Variants in CSMD3 observed in about 807,000 individuals in gnomAD.
CSMD3 encodes the protein CUB and Sushi multiple domains 3, also known as CUB and sushi domain-containing protein 3.
CSMD3 carries 177 observed loss-of-function variants against 435.2 expected under a neutral mutation model. The observed-to-expected ratio is 0.41, with a 90% CI of 0.36 to 0.46. The LOEUF (loss-of-function observed/expected upper bound fraction) is 0.46, where lower values mean the gene tolerates loss of function less well. Ranked by LOEUF, CSMD3 falls within the 20% of genes least tolerant of loss-of-function variation. CSMD3 has a pLI of 0.34. For missense variants in CSMD3, 4,265 were observed against 4,504.6 expected (o/e 0.95, Z 1.52); for synonymous variants, 1,656 against 1,520.5 (o/e 1.09, Z -2.07).
At chr8:112,856,483 G>A (rs1044194557) in intron 11 of CSMD3, among the ~76,000 whole-genome samples, 2 of 151,798 alleles carry the variant, frequency 1.3e-5, no homozygotes, top group Non-Finnish European at 3.0e-5. Flanking sequence ...TTTCTGAGGA[G>A]ATGGCAGCAT....
intron 9 of CSMD3, among the ~76,000 whole-genome samples, chr8:112,930,655 C>T (rs911542956): frequency 2.8e-4 from 42 of 152,210 alleles, no homozygotes; most frequent in Non-Finnish European, 5.6e-4. Flanking sequence ...TTACAAAGTA[C>T]TTTCCTCTAT....
intron 27 of CSMD3, among the ~76,000 whole-genome samples, chr8:112,546,345 G>A (rs1018319629): frequency 6.6e-6 from 1 of 152,186 alleles, no homozygotes; most frequent in African/African-American, 2.4e-5. Flanking sequence ...TTGCTGGAGG[G>A]ATAAAGAAGT....
At chr8:113,201,804 A>C (rs759657184) in intron 3 of CSMD3, among the ~76,000 whole-genome samples, 15 of 152,152 alleles carry the variant, frequency 9.9e-5, no homozygotes, top group Non-Finnish European at 1.8e-4. Flanking sequence ...TGATTCGTTC[A>C]ATTTATGAAT....
intron 28 of CSMD3, among the ~76,000 whole-genome samples, chr8:112,508,092 G>A (rs778857716): frequency 4.6e-5 from 7 of 151,918 alleles, no homozygotes; most frequent in Non-Finnish European, 7.4e-5. Flanking sequence ...AGATATCACC[G>A]TCAACCTGGT....
chr8:112,639,991 C>T (rs1441426412), intron 20 of CSMD3, among the ~76,000 whole-genome samples: 1 of 152,086 alleles, frequency 6.6e-6, no homozygotes, highest in Admixed American at 6.6e-5. Flanking sequence ...TCTGCTTTAA[C>T]AAATACTGTT....
At chr8:112,403,393 G>C (rs113151124) in intron 35 of CSMD3, among the ~76,000 whole-genome samples, 1 of 152,122 alleles carries the variant, frequency 6.6e-6, no homozygotes, top group African/African-American at 2.4e-5. Flanking sequence ...CAACAAATAT[G>C]TATTTAAATT....
chr8:113,235,668 C>T (rs1272555817), intron 3 of CSMD3, among the ~76,000 whole-genome samples: 1 of 152,006 alleles, frequency 6.6e-6, no homozygotes, highest in African/African-American at 2.4e-5. Context: ...AGTGTGGTTC[C>T]AGAGGAGACT....
At chr8:112,886,862 A>G (rs1255144578) in intron 10 of CSMD3, among the ~76,000 whole-genome samples, 1 of 151,628 alleles carries the variant, frequency 6.6e-6, no homozygotes, top group African/African-American at 2.4e-5. Flanking sequence ...TGCTATATAA[A>G]TAATTGTTAT....
At chr8:113,230,891 C>T (rs2093078750) in intron 3 of CSMD3, among the ~76,000 whole-genome samples, 2 of 151,292 alleles carry the variant, frequency 1.3e-5, no homozygotes, top group Non-Finnish European at 3.0e-5. Flanking sequence ...CTAATTGTGT[C>T]CTTCAGCTTA....
intron 3 of CSMD3, among the ~76,000 whole-genome samples, chr8:113,211,131 G>T (rs907473232): frequency 6.6e-6 from 1 of 151,994 alleles, no homozygotes; most frequent in South Asian, 2.1e-4. Context: ...TGACTCAGGC[G>T]TCATGACAAA....
In CSMD3 at chr8:112,981,974, C is replaced by G. The variant is rs16884253; in HGVS notation, c.1031-5826G>C. Among the ~76,000 whole-genome samples the G allele has an allele frequency of 7.4e-3, 1,121 of 151,602 alleles. 24 individuals are homozygous for G. The East Asian group carries it at 0.081, about 11-fold the overall frequency. The stretch of plus-strand genomic sequence containing the variant: ...TGGATAGACATCTCATTTCTTAGTA[C>G]AAAAAATATAATAAGAGTGTGCTAG... On this transcript the variant is annotated intron_variant, in intron 6 of 70. Coordinates refer to ENST00000297405, the MANE Select transcript of CSMD3 (RefSeq NM_198123.2).
At chr8:112,768,058 ACTAT>A (rs2078022952) in intron 13 of CSMD3, among the ~76,000 whole-genome samples, 1 of 151,766 alleles carries the variant, frequency 6.6e-6, no homozygotes, top group African/African-American at 2.4e-5. Flanking sequence ...GACAGCTATG[ACTAT>A]CTAGTGTTTT....
chr8:112,604,322 G>C (rs964965725), intron 22 of CSMD3, among the ~76,000 whole-genome samples: 3 of 151,998 alleles, frequency 2.0e-5, no homozygotes, highest in Non-Finnish European at 2.9e-5. Context: ...GCATCAATAT[G>C]AATTTTTAGA....
At chr8:112,676,052 G>C (rs1409267404) in intron 16 of CSMD3, among the ~76,000 whole-genome samples, 1 of 152,098 alleles carries the variant, frequency 6.6e-6, no homozygotes, top group African/African-American at 2.4e-5. Context: ...TAATAGAGTT[G>C]CTATTAATAA....
intron 10 of CSMD3, among the ~76,000 whole-genome samples, chr8:112,873,152 T>A (rs989107735): frequency 2.0e-5 from 3 of 152,050 alleles, no homozygotes; most frequent in Non-Finnish European, 4.4e-5. Context: ...GTTGGAACAA[T>A]GTCTACTTGA....
intron 32 of CSMD3, among the ~76,000 whole-genome samples, chr8:112,465,356 G>C (rs1210038048): frequency 6.6e-6 from 1 of 152,084 alleles, no homozygotes; most frequent in Admixed American, 6.5e-5. Flanking sequence ...TTTAGTGCCT[G>C]TTTTAACAGC....
intron 4 of CSMD3, among the ~76,000 whole-genome samples, chr8:113,155,605 G>C (rs893529654): frequency 1.3e-5 from 2 of 152,012 alleles, no homozygotes; most frequent in African/African-American, 4.8e-5. Context: ...GATTGAAGTA[G>C]AAGTACAGTT....
At chr8:112,837,452 C>T (rs1308966482) in intron 11 of CSMD3, among the ~76,000 whole-genome samples, 1 of 151,484 alleles carries the variant, frequency 6.6e-6, no homozygotes, top group African/African-American at 2.4e-5. Flanking sequence ...AGCCCCATTT[C>T]TCTAAAAAAA....
At chr8:112,520,736 T>C (rs1018060525) in intron 27 of CSMD3, among the ~76,000 whole-genome samples, 1 of 136,180 alleles carries the variant, frequency 7.3e-6, no homozygotes, top group Non-Finnish European at 1.6e-5. Flanking sequence ...GCCATATATA[T>C]GCCAAATATA....
Sources: allele counts gnomAD v4.1 joint callset (sites outside exome capture counted in the v4.1 genomes callset), GRCh38; gene constraint gnomAD v4.1.1; transcripts MANE v1.5; gene names NCBI Gene and HGNC (gene_info 2026-07-23, HGNC 2026-07-21).